Variants in TSHZ1 observed in about 807,000 individuals in gnomAD.
TSHZ1 encodes the protein teashirt homolog 1.
A neutral mutation model predicts 67.1 loss-of-function variants in TSHZ1; 12 were observed. The ratio of observed to expected loss-of-function variants is 0.18; its 90% CI spans 0.11 to 0.29. The LOEUF (loss-of-function observed/expected upper bound fraction) is 0.29, where lower values mean the gene tolerates loss of function less well. TSHZ1 is among the 10% of genes least tolerant of loss of function. The pLI is 1.00. For missense variants in TSHZ1, 1,305 were observed against 1,413.9 expected (o/e 0.92, Z 1.23); for synonymous variants, 632 against 622.4 (o/e 1.02, Z -0.23).
chr18:75,233,942 CT>C (rs1440196947), intron 1 of TSHZ1, among the ~76,000 whole-genome samples: 2 of 152,088 alleles, frequency 1.3e-5, no homozygotes, highest in Non-Finnish European at 1.5e-5. Flanking sequence ...TTTACAAACC[CT>C]TTTGGTGACT....
chr18:75,261,659 A>G (rs369904426), intron 1 of TSHZ1, among the ~76,000 whole-genome samples: 1 of 152,254 alleles, frequency 6.6e-6, no homozygotes, highest in East Asian at 1.9e-4. Context: ...TTTCATAGTT[A>G]CATAGTGTAT....
At chr18:75,214,391 C>G (rs2022739839) in intron 1 of TSHZ1, among the ~76,000 whole-genome samples, 1 of 152,184 alleles carries the variant, frequency 6.6e-6, no homozygotes, top group South Asian at 2.1e-4. Context: ...GTCAGATTCC[C>G]TCTTAAAGTA....
intron 1 of TSHZ1, among the ~76,000 whole-genome samples, chr18:75,220,710 A>T (rs11663044): frequency 6.6e-6 from 1 of 151,952 alleles, no homozygotes; most frequent in Non-Finnish European, 1.5e-5. Context: ...TAACCTTTTC[A>T]TGTTTTCCAG....
At chr18:75,256,062 C>A (rs1021018061) in intron 1 of TSHZ1, among the ~76,000 whole-genome samples, 8 of 152,110 alleles carry the variant, frequency 5.3e-5, no homozygotes, top group African/African-American at 1.9e-4. Context: ...TTTAAATAGG[C>A]AACTAAAACT....
Position 75,286,193 on chromosome 18 carries a change from G to A in TSHZ1, c.786G>A (p.Thr262=), listed in dbSNP as rs142572519. Reference sequence around the variant, plus strand: ...CGTACGACACGCTGGTGGAACTGACGGTGCACATGAACGAGACAGGCCACT... The same window carrying A: ...CGTACGACACGCTGGTGGAACTGACAGTGCACATGAACGAGACAGGCCACT... ...SAAYDTLVEL[T]VHMNETGHYR... Residue 262 remains threonine, a synonymous_variant, in exon 2 of 2, where the codon ACG becomes ACA. Transcript: ENST00000580243. This position sits in a 1 kb window ranked among gnomAD's most constrained non-coding sequence, Gnocchi z 5.1. The A allele has an allele frequency of 3.2e-5, 51 of 1,613,928 alleles. No homozygotes were observed. The highest frequency in any genetic ancestry group is 1.6e-4 in the Middle Eastern group (1 of 6,084).
chr18:75,258,548 T>A (rs1036586146), intron 1 of TSHZ1, among the ~76,000 whole-genome samples: 2 of 152,212 alleles, frequency 1.3e-5, no homozygotes, highest in Non-Finnish European at 2.9e-5. Flanking sequence ...AAGGGAAATT[T>A]TTTTCTCCTA....
intron 1 of TSHZ1, among the ~76,000 whole-genome samples, chr18:75,241,866 C>T (rs2023160969): frequency 6.7e-6 from 1 of 150,180 alleles, no homozygotes; most frequent in Non-Finnish European, 1.5e-5. Flanking sequence ...TGGTGCATCA[C>T]ACCAGTCTCT....
Position 75,286,763 on chromosome 18 carries a change from C to A in TSHZ1, c.1356C>A (p.Gly452=), listed in dbSNP as rs571038490. The change falls in exon 2 of 2, where the codon GGC becomes GGA. Residue 452 remains glycine, a synonymous_variant. Coordinates refer to ENST00000580243, the MANE Select transcript of TSHZ1 (RefSeq NM_001308210.2). The surrounding 1 kb of genome is among the most constrained non-coding windows in gnomAD (Gnocchi z 5.1). The part of the protein sequence containing the change: ...LKVTTSASKK[G]KQLVLDPVVE... ...TGACCACCTCGGCTTCTAAGAAGGG[C>A]AAGCAGTTGGTGCTGGACCCTGTGG... is the stretch of plus-strand genomic sequence containing the variant. 4.0e-5 allele frequency: 65 copies of A among 1,613,578 alleles called. 1 individual carries two copies. In the South Asian group the frequency reaches 6.0e-4, roughly 15 times the overall value.
intron 1 of TSHZ1, among the ~76,000 whole-genome samples, chr18:75,232,523 A>ATG (rs1439541660): frequency 5.3e-5 from 8 of 152,290 alleles, no homozygotes; most frequent in Admixed American, 5.2e-4. Flanking sequence ...AGATATATAT[A>ATG]TCTTATTTAT....
At chr18:75,271,459 T>C (rs989047927) in intron 1 of TSHZ1, among the ~76,000 whole-genome samples, 6 of 152,174 alleles carry the variant, frequency 3.9e-5, no homozygotes, top group Admixed American at 2.0e-4. Flanking sequence ...TCCACTCACC[T>C]GCAGAATTCA....
intron 1 of TSHZ1, among the ~76,000 whole-genome samples, chr18:75,247,003 C>T (rs1344928601): frequency 6.6e-6 from 1 of 152,052 alleles, no homozygotes; most frequent in Non-Finnish European, 1.5e-5. Flanking sequence ...CAAGTTTGAG[C>T]CTGCAGTGTT....
chr18:75,265,921 C>T (rs908943028), intron 1 of TSHZ1, among the ~76,000 whole-genome samples: 3 of 152,102 alleles, frequency 2.0e-5, no homozygotes, highest in Admixed American at 6.5e-5. Flanking sequence ...TTTTTCTTGT[C>T]GGATTTGGGA....
intron 1 of TSHZ1, among the ~76,000 whole-genome samples, chr18:75,214,736 G>T (rs769384257): frequency 1.3e-5 from 2 of 152,092 alleles, no homozygotes; most frequent in Non-Finnish European, 1.5e-5. Context: ...AAGAAATACT[G>T]CTCAGAGGAA....
chr18:75,236,808 A>G (rs1431830918), intron 1 of TSHZ1, among the ~76,000 whole-genome samples: 1 of 152,136 alleles, frequency 6.6e-6, no homozygotes, highest in East Asian at 1.9e-4. Context: ...TCATTTATAG[A>G]GTGAGGCTTA....
Position 75,288,901 on chromosome 18 carries a change from T to A in TSHZ1, c.*260T>A. The A allele has an allele frequency of 2.6e-6, 1 of 381,524 alleles. No individual in the cohort carries two copies. Among genetic ancestry groups the A allele is most frequent in the Non-Finnish European group, 4.8e-6 (1 of 210,238 alleles). The allele number at this position is 381,524 out of a possible 1,614,324, so 23.6% of individuals were successfully genotyped here. On this transcript the variant is annotated 3_prime_UTR_variant, in exon 2 of 2. Coordinates refer to ENST00000580243, the MANE Select transcript of TSHZ1 (RefSeq NM_001308210.2). The surrounding 1 kb of genome is among the most constrained non-coding windows in gnomAD (Gnocchi z 4.9). ...TTAAGCTATCTTTTGTAGGAAATAG[T>A]GGGGCACACTACTCAGAGACATTAT... is the stretch of plus-strand genomic sequence containing the variant.
At chr18:75,244,099 G>A (rs1203599529) in intron 1 of TSHZ1, among the ~76,000 whole-genome samples, 1 of 152,218 alleles carries the variant, frequency 6.6e-6, no homozygotes, top group African/African-American at 2.4e-5. Flanking sequence ...GAGCAGGAAG[G>A]AGCAAGTGGA....
At position 75,286,678 on chromosome 18, in the gene TSHZ1, C is replaced by G; in HGVS notation, c.1271C>G (p.Ser424Cys). 1 of 1,614,152 alleles carries G rather than the reference C, an allele frequency of 6.2e-7. No homozygotes were observed. The highest frequency in any genetic ancestry group is 8.5e-7 in the Non-Finnish European group (1 of 1,180,042). Reference protein sequence around the residue: ...QILKCMECGSSHDTLQQLTAH... With the variant: ...QILKCMECGSCHDTLQQLTAH... ...CTCAAGTGCATGGAGTGTGGCAGCT[C>G]CCACGACACGCTGCAGCAGCTCACC... The change falls in exon 2 of 2, where the codon TCC (serine) becomes TGC (cysteine). Residue 424 changes from serine (S) to cysteine (C), a missense_variant. Ser to Cys is a moderately radical substitution (Grantham distance 112). Transcript: ENST00000580243. This position sits in a 1 kb window ranked among gnomAD's most constrained non-coding sequence, Gnocchi z 5.1.
At chr18:75,250,354 G>A (rs1408732961) in intron 1 of TSHZ1, among the ~76,000 whole-genome samples, 3 of 152,086 alleles carry the variant, frequency 2.0e-5, no homozygotes, top group African/African-American at 7.2e-5. Context: ...GCTTCTCCCC[G>A]CAGAGTCCCC....
chr18:75,287,753 G>A lies in TSHZ1; in HGVS notation c.2346G>A (p.Leu782=). The change falls in exon 2 of 2, where the codon CTG becomes CTA. Residue 782 remains leucine, a synonymous_variant. Transcript: ENST00000580243. This position sits in a 1 kb window ranked among gnomAD's most constrained non-coding sequence, Gnocchi z 5.0. ...TGTACAAGATCAGCAACAGCATGCTGGACAAGCCGGTGTACCCCGCCACCC... is the reference window on the plus strand; with the variant it reads ...TGTACAAGATCAGCAACAGCATGCTAGACAAGCCGGTGTACCCCGCCACCC... ...AMLYKISNSM[L]DKPVYPATPV... is the part of the protein sequence containing the mutation. 6.2e-7 allele frequency: 1 copy of A among 1,613,758 alleles called. No individual in the cohort carries two copies. Among genetic ancestry groups the A allele is most frequent in the Non-Finnish European group, 8.5e-7 (1 of 1,180,028 alleles).
Sources: gnomAD v4.1 joint callset for allele counts (sites outside exome capture counted in the v4.1 genomes callset) on GRCh38, gnomAD v4.1.1 for gene constraint, Gnocchi (gnomAD v3.1) non-coding constraint, MANE v1.5 for transcripts, NCBI Gene and HGNC (gene_info 2026-07-23, HGNC 2026-07-21) for gene names.